Variants in PRAMEF17 observed in about 807,000 individuals in gnomAD.
PRAMEF17 encodes the protein PRAME family member 17.
Under a neutral mutation model 36.8 loss-of-function variants are expected in PRAMEF17, and 48 were observed. The ratio of observed to expected loss-of-function variants is 1.30; its 90% CI spans 1.03 to 1.66. The LOEUF (loss-of-function observed/expected upper bound fraction) is 1.66. PRAMEF17 is among the 40% of genes most tolerant of loss of function. The pLI is 0.00. For missense variants in PRAMEF17, 639 were observed against 560.6 expected, an observed-to-expected ratio of 1.14 and a Z score of -1.41; for synonymous variants, 246 against 220.4, an observed-to-expected ratio of 1.12 and a Z score of -1.03.
rs371453768 is a variant in PRAMEF17, at chr1:13,392,036, G to T, written c.959G>T (p.Ser320Ile). The T allele has an allele frequency of 1.2e-5, 19 of 1,611,730 alleles. No homozygotes were observed. Among genetic ancestry groups the T allele is most frequent in the African/African-American group, 4.0e-5 (3 of 74,832 alleles). The change falls in exon 3 of 3, where the codon AGT becomes ATT. Residue 320 changes from serine to isoleucine, a missense_variant. Transcript: ENST00000376098. ...MECLSQYPSLSQLKELHLIHI... is the reference protein window; with the variant it reads ...MECLSQYPSLIQLKELHLIHI... ...TGTCTGTCTCAGTACCCAAGCCTCA[G>T]TCAGCTAAAGGAGCTGCATCTGATT...
At position 13,389,824 on chromosome 1, in the gene PRAMEF17, T is replaced by G. The variant is rs1478686753; in HGVS notation, c.167T>G (p.Val56Gly). The G allele has an allele frequency of 3.1e-6, 5 of 1,613,420 alleles. No individual in the cohort carries two copies. In the African/African-American group the frequency reaches 6.7e-5, roughly 22 times the overall value. ...MRHFEALKLM[V>G]QAWPFLRLPL... ...CATTTTGAGGCCCTGAAGCTGATGG[T>G]GCAGGCCTGGCCCTTCCTCCGCCTC... The change falls in exon 1 of 3, where the codon GTG becomes GGG. Residue 56 changes from valine (V) to glycine (G), a missense_variant. Val to Gly is a moderately radical substitution (Grantham distance 109). Coordinates refer to ENST00000376098, the MANE Select transcript of PRAMEF17 (RefSeq NM_001099851.3).
At position 13,390,751 on chromosome 1, in the gene PRAMEF17, A is replaced by T; in HGVS notation, c.698A>T (p.Asn233Ile). 1 of 1,612,048 alleles carries T rather than the reference A, an allele frequency of 6.2e-7. No individual in the cohort carries two copies. Among genetic ancestry groups the T allele is most frequent in the Non-Finnish European group, 8.5e-7 (1 of 1,179,872 alleles). The change falls in exon 2 of 3, where the codon AAT becomes ATT. Residue 233 changes from asparagine to isoleucine, a missense_variant. Coordinates refer to ENST00000376098, the MANE Select transcript of PRAMEF17 (RefSeq NM_001099851.3). Reference protein sequence around the residue: ...KFAPYLSQMSNLRKLFLAFGY... With the variant: ...KFAPYLSQMSILRKLFLAFGY... ...GCCCCTTACTTGAGCCAGATGAGCA[A>T]TCTTCGCAAACTCTTTTTAGCCTTC...
intron 2 of PRAMEF17, among the ~76,000 whole-genome samples, chr1:13,391,373 T>A (rs1200806583): frequency 6.6e-6 from 1 of 152,192 alleles, no homozygotes; most frequent in Non-Finnish European, 1.5e-5. Flanking sequence ...ATTCCCTGTC[T>A]GTAAAAGGTT....
rs1281560791 is a variant in PRAMEF17, at chr1:13,389,876, T to C, written c.219T>C (p.Pro73=). ...CTCTGGGATCCCTGATGAAGACACC[T>C]CATCTGGAGACCTTGCAAGCTGTGC... ...RLPLGSLMKT[P]HLETLQAVLK... The change falls in exon 1 of 3, where the codon CCT becomes CCC. Residue 73 remains proline (P), a synonymous_variant. Coordinates refer to ENST00000376098, the MANE Select transcript of PRAMEF17 (RefSeq NM_001099851.3). 1 of 1,613,464 alleles carries C rather than the reference T, an allele frequency of 6.2e-7. No individual in the cohort carries two copies. The highest frequency in any genetic ancestry group is 8.5e-7 in the Non-Finnish European group (1 of 1,180,034).
At chr1:13,390,233 G>A (rs1396642984) in intron 1 of PRAMEF17, 108 bp from the exon 2 acceptor site, 14 of 1,537,460 alleles carry the variant, frequency 9.1e-6, no homozygotes, top group Middle Eastern at 2.4e-4. Context: ...AGAAGGAGGA[G>A]CACTGAGGAC....
In PRAMEF17 at chr1:13,390,879, A is replaced by T; in HGVS notation, c.826A>T (p.Lys276Ter). The change falls in exon 2 of 3, where the codon AAG (lysine) becomes TAG (stop). Residue 276 changes from lysine (K) to a stop codon, truncating the protein, a stop_gained. Transcript: ENST00000376098. LOFTEE classifies it high-confidence loss of function. ...LYYPQMLYIR[K>*]ISNIKEHLEH... ...CTACCCTCAGATGCTTTATATAAGA[A>T]AGATCAGTAATATCAAAGAGCACCT... is the stretch of plus-strand genomic sequence containing the variant. 1 of 1,612,026 alleles carries T rather than the reference A, an allele frequency of 6.2e-7. No individual in the cohort carries two copies. The highest frequency in any genetic ancestry group is 8.5e-7 in the Non-Finnish European group (1 of 1,179,860).
chr1:13,390,951 C>A, intron 2 of PRAMEF17, 32 bp downstream of exon 2: 1 of 1,611,666 alleles, frequency 6.2e-7, no homozygotes, highest in South Asian at 1.1e-5. Context: ...TCTCTGCAGA[C>A]CATACCACAG....
rs61732915 is a variant in PRAMEF17, at chr1:13,392,184, C to T, written c.1107C>T (p.Leu369=). 0.048 allele frequency: 77,589 copies of T among 1,611,922 alleles called. 2,154 individuals are homozygous for T. Among genetic ancestry groups the T allele is most frequent in the Middle Eastern group, 0.058 (256 of 4,430 alleles). Residue 369 remains leucine (L), a synonymous_variant, in exon 3 of 3, where the codon CTC becomes CTT. Transcript: ENST00000376098. The part of the protein sequence containing the change: ...CQIQDSQLRV[L]LPALSRCSQL... ...TCCAGGACTCCCAGCTCAGGGTCCT[C>T]CTGCCTGCCCTGAGCCGCTGCTCCC...
chr1:13,392,561 T>A lies in PRAMEF17; in HGVS notation c.*59T>A, dbSNP rs1640900754. On this transcript the variant is annotated 3_prime_UTR_variant, in exon 3 of 3. Coordinates refer to ENST00000376098, the MANE Select transcript of PRAMEF17 (RefSeq NM_001099851.3). ...TTCAGGACCCTTAGGCACTAAAATC[T>A]AGGACACAGGTGGGTTTTTTTGTTT... The A allele has an allele frequency of 1.2e-6, 2 of 1,603,922 alleles. No homozygotes were observed. Among genetic ancestry groups the A allele is most frequent in the South Asian group, 2.3e-5 (2 of 88,758 alleles).
At position 13,389,663 on chromosome 1, in the gene PRAMEF17, C is replaced by T. The variant is rs1160555606; in HGVS notation, c.6C>T (p.Ser2=). M[S]LQSPSRLLEL... The stretch of plus-strand genomic sequence containing the variant: ...TTCACTGGAGATTTGTCAGAATGAG[C>T]CTCCAGTCCCCATCCAGACTCCTGG... Residue 2 remains serine, a synonymous_variant, in exon 1 of 3, where the codon AGC becomes AGT. Coordinates refer to ENST00000376098, the MANE Select transcript of PRAMEF17 (RefSeq NM_001099851.3). 3.4e-5 allele frequency: 55 copies of T among 1,611,982 alleles called. No homozygotes were observed. Among genetic ancestry groups the T allele is most frequent in the Middle Eastern group, 2.3e-4 (1 of 4,430 alleles).
chr1:13,392,583 GTTTTTTTGTTT>G lies in PRAMEF17; in HGVS notation c.*90_*100del, dbSNP rs1640901094. 6.4e-7 allele frequency: 1 copy of G among 1,562,220 alleles called. No homozygotes were observed. Among genetic ancestry groups the G allele is most frequent in the African/African-American group, 1.4e-5 (1 of 70,590 alleles). On this transcript the variant is annotated 3_prime_UTR_variant, in exon 3 of 3. Coordinates refer to ENST00000376098, the MANE Select transcript of PRAMEF17 (RefSeq NM_001099851.3). ...ATCTAGGACACAGGTGGGTTTTTTTGTTTTTTTGTTTTTTTTTTGATGGAGTCTCGCTCTGT... is the reference window on the plus strand; with the variant it reads ...ATCTAGGACACAGGTGGGTTTTTTTGTTTTTTTGATGGAGTCTCGCTCTGT...
intron 2 of PRAMEF17, 80 bp downstream of exon 2, chr1:13,390,999 C>G (rs1278513098): frequency 1.3e-6 from 2 of 1,582,540 alleles, no homozygotes; most frequent in Non-Finnish European, 1.7e-6. Flanking sequence ...TAGTGGGCAT[C>G]TACTGTGTGC....
intron 2 of PRAMEF17, among the ~76,000 whole-genome samples, chr1:13,391,657 A>G (rs1356260504): frequency 6.6e-6 from 1 of 152,138 alleles, no homozygotes; most frequent in Non-Finnish European, 1.5e-5. Context: ...GTGGCCTTGA[A>G]CTAATCACAC....
Position 13,390,814 on chromosome 1 carries a change from A to C in PRAMEF17, c.761A>C (p.Gln254Pro). 6.2e-7 allele frequency: 1 copy of C among 1,612,018 alleles called. No homozygotes were observed. Among genetic ancestry groups the C allele is most frequent in the Non-Finnish European group, 8.5e-7 (1 of 1,179,848 alleles). The change falls in exon 2 of 3, where the codon CAG becomes CCG. Residue 254 changes from glutamine to proline, a missense_variant. Transcript: ENST00000376098. ...DDELYVSGQQ[Q>P]FVPDLDCPFL... ...GAGTTATATGTAAGCGGCCAACAGC[A>C]GTTCGTTCCTGACTTGGACTGTCCA... is the stretch of plus-strand genomic sequence containing the variant.
chr1:13,390,072 C>A (rs1569848638), intron 1 of PRAMEF17, 128 bp downstream of exon 1: 1 of 1,437,456 alleles, frequency 7.0e-7, no homozygotes. Flanking sequence ...CCATGAGAGA[C>A]CTTGACCATT....
Position 13,392,508 on chromosome 1 carries a change from G to C in PRAMEF17, c.*6G>C. ...ACTTCCATCTTTGCTCTTAGTGAAG[G>C]CCTGATTAGTGGGATGGATATGCTT... On this transcript the variant is annotated 3_prime_UTR_variant, in exon 3 of 3. Coordinates refer to ENST00000376098, the MANE Select transcript of PRAMEF17 (RefSeq NM_001099851.3). 1 of 1,611,938 alleles carries C rather than the reference G, an allele frequency of 6.2e-7. No homozygotes were observed. Among genetic ancestry groups the C allele is most frequent in the Non-Finnish European group, 8.5e-7 (1 of 1,179,852 alleles).
At chr1:13,389,965 T>C in intron 1 of PRAMEF17, 21 bp downstream of exon 1, 1 of 1,612,154 alleles carries the variant, frequency 6.2e-7, no homozygotes, top group Non-Finnish European at 8.5e-7. Context: ...TCAGGTGGCC[T>C]GGTGGGAAGG....
rs370657180 is a variant in PRAMEF17 at position 13,390,475 on chromosome 1, C to G, written c.422C>G (p.Thr141Arg). 15 of 1,611,520 alleles carry G rather than the reference C, an allele frequency of 9.3e-6. No homozygotes were observed. The South Asian group carries it at 1.5e-4, about 17-fold the overall frequency. ...CAGACAGTGGAGGACTATCCAAGGA[C>G]GGGAGAGCACCAGCCCTTGAAGGTG... ...KRQTVEDYPR[T>R]GEHQPLKVFI... Residue 141 changes from threonine (T) to arginine (R), a missense_variant, in exon 2 of 3, where the codon ACG (threonine) becomes AGG (arginine). Physicochemically the swap from Thr to Arg is moderately conservative, Grantham distance 71 (BLOSUM62 -1). Transcript: ENST00000376098.
At position 13,392,391 on chromosome 1, in the gene PRAMEF17, G is replaced by A. The variant is rs1390926946; in HGVS notation, c.1314G>A (p.Met438Ile). ...EILAPIRAELMCTLREVRQPK... is the reference protein window; with the variant it reads ...EILAPIRAELICTLREVRQPK... Reference sequence around the variant, plus strand: ...TCGCCCCAATTCGGGCTGAGCTGATGTGTACACTCAGGGAAGTCAGGCAGC... The same window carrying A: ...TCGCCCCAATTCGGGCTGAGCTGATATGTACACTCAGGGAAGTCAGGCAGC... Residue 438 changes from methionine (M) to isoleucine (I), a missense_variant, in exon 3 of 3, where the codon ATG (methionine) becomes ATA (isoleucine). By Grantham distance (10) the Met-to-Ile change is conservative. Transcript: ENST00000376098. 9 of 1,611,874 alleles carry A rather than the reference G, an allele frequency of 5.6e-6. No individual in the cohort carries two copies.
Sources: allele counts gnomAD v4.1 joint callset (sites outside exome capture counted in the v4.1 genomes callset), GRCh38; gene constraint gnomAD v4.1.1; transcripts MANE v1.5; gene names NCBI Gene and HGNC (gene_info 2026-07-23, HGNC 2026-07-21).